Variants in NAE1 observed in about 807,000 individuals in gnomAD.
NAE1 encodes NEDD8-activating enzyme E1 regulatory subunit.
A neutral mutation model predicts 88.0 loss-of-function variants in NAE1; 59 were observed. The ratio of observed to expected loss-of-function variants is 0.67; its 90% CI spans 0.54 to 0.83. NAE1 has a LOEUF of 0.83. Ranked by LOEUF, NAE1 falls within the 40% of genes least tolerant of loss-of-function variation. The pLI, the probability that NAE1 is intolerant of heterozygous loss-of-function variation, is 0.00. For synonymous variants in NAE1, 186 were observed against 208.9 expected, an observed-to-expected ratio of 0.89 and a Z score of 0.95; for missense variants, 554 against 632.8, an observed-to-expected ratio of 0.88 and a Z score of 1.34.
intron 19 of NAE1, among the ~76,000 whole-genome samples, chr16:66,804,048 T>C (rs1044568180): frequency 1.3e-5 from 2 of 152,160 alleles, no homozygotes; most frequent in African/African-American, 4.8e-5. Flanking sequence ...ATGTGTAGTA[T>C]GTCAACTGAC....
chr16:66,814,717 T>C (rs1397937911), intron 11 of NAE1, among the ~76,000 whole-genome samples: 1 of 151,924 alleles, frequency 6.6e-6, no homozygotes, highest in East Asian at 1.9e-4. Flanking sequence ...CCACTCCCAG[T>C]CCCCTCAATT....
rs1346490731 is a variant in NAE1 at position 66,816,858 on chromosome 16, C to T, written c.748+107G>A. 4.0e-6 allele frequency: 6 copies of T among 1,500,880 alleles called. No individual in the cohort carries two copies. The East Asian group carries it at 1.1e-4, about 29-fold the overall frequency. 93.0% of individuals were successfully genotyped at this position (1,500,880 alleles called of 1,614,324 possible). A position where few individuals can be genotyped will look rare whatever the true frequency, so the allele number is the denominator to read the frequency against. On this transcript the variant is annotated intron_variant, in intron 10 of 19. Transcript: ENST00000290810. Reference sequence around the variant, plus strand: ...CTTCTCCAGAAGGAAAATAAAAGCTCATGATGCTATCATCTGACAAAGGTG... The same window carrying T: ...CTTCTCCAGAAGGAAAATAAAAGCTTATGATGCTATCATCTGACAAAGGTG...
At position 66,803,000 on chromosome 16, in the gene NAE1, T is replaced by G. The variant is rs1220257285; in HGVS notation, c.*9A>C. The G allele has an allele frequency of 4.6e-6, 7 of 1,534,284 alleles. No homozygotes were observed. The highest frequency in any genetic ancestry group is 5.4e-6 in the Non-Finnish European group (6 of 1,107,742). Reference sequence around the variant, plus strand: ...ATCATTAACACACTACTTAAGGTGCTTGCTTACTCTACAACTGGAAAGTTG... The same window carrying G: ...ATCATTAACACACTACTTAAGGTGCGTGCTTACTCTACAACTGGAAAGTTG... On this transcript the variant is annotated 3_prime_UTR_variant, in exon 20 of 20. Transcript: ENST00000290810.
intron 1 of NAE1, among the ~76,000 whole-genome samples, chr16:66,829,848 G>T (rs908273399): frequency 4.6e-5 from 7 of 152,242 alleles, no homozygotes; most frequent in African/African-American, 1.7e-4. Flanking sequence ...TGTTAACTGA[G>T]ATGTGCTGGT....
chr16:66,810,799 A>T, intron 13 of NAE1, 27 bp from the exon 14 acceptor site: 1 of 1,598,122 alleles, frequency 6.3e-7, no homozygotes, highest in Non-Finnish European at 8.5e-7. Context: ...AGCAATTACT[A>T]ACAAATTTTT....
At chr16:66,807,870 C>T (rs144146236) in intron 17 of NAE1, among the ~76,000 whole-genome samples, 284 of 151,952 alleles carry the variant, frequency 1.9e-3, no homozygotes, top group African/African-American at 6.5e-3. Flanking sequence ...GAAATTCCTA[C>T]ATCTTCAGAG....
At chr16:66,803,315 T>C (rs1381047860) in intron 19 of NAE1, among the ~76,000 whole-genome samples, 197 bp from the exon 20 acceptor site, 2 of 152,202 alleles carry the variant, frequency 1.3e-5, no homozygotes, top group African/African-American at 2.4e-5. Context: ...ATCTAAACAG[T>C]AGTGTGGTTG....
At chr16:66,819,057 C>T (rs1960157238) in intron 7 of NAE1, among the ~76,000 whole-genome samples, 1 of 152,010 alleles carries the variant, frequency 6.6e-6, no homozygotes, top group Non-Finnish European at 1.5e-5. Flanking sequence ...GACACAGGGC[C>T]CACAGGTTTT....
chr16:66,810,953 T>C (rs1959772503), intron 13 of NAE1, among the ~76,000 whole-genome samples, 181 bp from the exon 14 acceptor site: 1 of 152,080 alleles, frequency 6.6e-6, no homozygotes, highest in East Asian at 1.9e-4. Context: ...ATCTTTCCAG[T>C]GTTAGTGACG....
intron 1 of NAE1, among the ~76,000 whole-genome samples, chr16:66,826,991 G>C (rs374688965): frequency 1.3e-5 from 2 of 152,150 alleles, no homozygotes; most frequent in African/African-American, 4.8e-5. Flanking sequence ...GAGGGAGAGG[G>C]TCAAATTAGA....
At chr16:66,808,729 T>C in intron 16 of NAE1, 116 bp from the exon 17 acceptor site, 1 of 784,280 alleles carries the variant, frequency 1.3e-6, no homozygotes, top group South Asian at 1.6e-5. Context: ...TCACACAATC[T>C]CTACTGAAGT....
rs1235814924 is a variant in NAE1 at position 66,830,912 on chromosome 16, C to A, written c.-13G>T. 4 of 1,532,020 alleles carry A rather than the reference C, an allele frequency of 2.6e-6. No homozygotes were observed. In the South Asian group the frequency reaches 4.8e-5, roughly 18 times the overall value. 94.9% of individuals were successfully genotyped at this position (1,532,020 alleles called of 1,614,324 possible). A position where few individuals can be genotyped will look rare whatever the true frequency, so the allele number is the denominator to read the frequency against. On this transcript the variant is annotated 5_prime_UTR_variant, in exon 1 of 20. Coordinates refer to ENST00000290810, the MANE Select transcript of NAE1 (RefSeq NM_003905.4). ...CCAGCTGCGCCATGGCCGCGCCTGC[C>A]GCGCGGAAAACAGCCGAGCCCCTGC...
chr16:66,809,722 A>G (rs1245949462), intron 15 of NAE1, among the ~76,000 whole-genome samples: 1 of 152,218 alleles, frequency 6.6e-6, no homozygotes, highest in East Asian at 1.9e-4. Flanking sequence ...GACATTGTGG[A>G]GAAGTCATAA....
intron 19 of NAE1, among the ~76,000 whole-genome samples, chr16:66,803,635 G>C (rs1959443217): frequency 6.6e-6 from 1 of 151,558 alleles, no homozygotes; most frequent in Admixed American, 6.6e-5. Context: ...CTGTCACCCA[G>C]GCTGGAGTGC....
At chr16:66,814,619 A>ACACG (rs1394308737) in intron 11 of NAE1, among the ~76,000 whole-genome samples, 2 of 149,870 alleles carry the variant, frequency 1.3e-5, no homozygotes, top group African/African-American at 4.9e-5. Context: ...ATACACACAC[A>ACACG]CACACACACA....
chr16:66,814,470 G>C (rs1959952844), intron 11 of NAE1, among the ~76,000 whole-genome samples: 2 of 151,960 alleles, frequency 1.3e-5, no homozygotes, highest in East Asian at 1.9e-4. Context: ...GCACGTGCCT[G>C]TGGTCCCAGC....
At position 66,829,531 on chromosome 16, in the gene NAE1, T is replaced by G. The variant is rs544985485; in HGVS notation, c.53+1316A>C. 3.3e-5 allele frequency among the ~76,000 whole-genome samples: 5 copies of G among 152,314 alleles called. No individual in the cohort carries two copies. The South Asian group carries it at 1.0e-3, about 32-fold the overall frequency. ...AGGAAATGGTTGCTTTCAAGGGTAC[T>G]CTCAGAACTAAGTGCCTAAAGCCTC... On this transcript the variant is annotated intron_variant, in intron 1 of 19. Transcript: ENST00000290810.
chr16:66,810,767 C>A lies in NAE1; in HGVS notation c.1040G>T (p.Arg347Leu). The A allele has an allele frequency of 6.2e-7, 1 of 1,613,512 alleles. No homozygotes were observed. The highest frequency in any genetic ancestry group is 8.5e-7 in the Non-Finnish European group (1 of 1,179,830). The change falls in exon 14 of 20, where the codon CGT becomes CTT. Residue 347 changes from arginine (R) to leucine (L), a missense_variant. Transcript: ENST00000290810. ...GKYIKLQNVYREKAKKDAAAV... is the reference protein window; with the variant it reads ...GKYIKLQNVYLEKAKKDAAAV... Reference sequence around the variant, plus strand: ...GGCAGCATCTTTCTTTGCTTTTTCACGGTAACTAAAAAAGAATAAAAAGCA... The same window carrying A: ...GGCAGCATCTTTCTTTGCTTTTTCAAGGTAACTAAAAAAGAATAAAAAGCA...
chr16:66,812,674 C>A (rs1959856489), intron 13 of NAE1, among the ~76,000 whole-genome samples: 1 of 151,650 alleles, frequency 6.6e-6, no homozygotes, highest in Admixed American at 6.6e-5. Context: ...CGCACCACCA[C>A]ACCTGGCTAA....
Sources: allele counts gnomAD v4.1 joint callset (sites outside exome capture counted in the v4.1 genomes callset), GRCh38; gene constraint gnomAD v4.1.1; transcripts MANE v1.5; gene names NCBI Gene and HGNC (gene_info 2026-07-23, HGNC 2026-07-21).